ACOX2: variants seen among roughly 807,000 people sequenced by gnomAD.
ACOX2 encodes peroxisomal acyl-coenzyme A oxidase 2.
A neutral mutation model predicts 77.5 loss-of-function variants in ACOX2; 59 were observed. The ratio of observed to expected loss-of-function variants is 0.76; its 90% confidence interval spans 0.62 to 0.95. The LOEUF (loss-of-function observed/expected upper bound fraction) is 0.95, where lower values mean the gene tolerates loss of function less well. Among genes scored for constraint, ACOX2 ranks in the 40% least tolerant of loss-of-function variants. The pLI is 0.00. For missense variants in ACOX2, 837 were observed against 880.4 expected (o/e 0.95, Z 0.62); for synonymous variants, 317 against 340.1 (o/e 0.93, Z 0.75).
rs2063468126 is a variant in ACOX2, at chr3:58,534,689, T to G, written c.161-167A>C. The G allele has an allele frequency of 6.7e-7, 1 of 1,496,318 alleles. No homozygotes were observed. Among genetic ancestry groups the G allele is most frequent in the Admixed American group, 1.9e-5 (1 of 51,342 alleles). 92.7% of individuals were successfully genotyped at this position (1,496,318 alleles called of 1,614,324 possible). A position where few individuals can be genotyped will look rare whatever the true frequency, so the allele number is the denominator to read the frequency against. The stretch of plus-strand genomic sequence containing the variant: ...AGGTGGGAAAGTGAATTGCCCAAGG[T>G]TACAAAGCTATGCAGTGGCAGAATT... On this transcript the variant is annotated intron_variant, in intron 2 of 14. Coordinates refer to ENST00000302819, the MANE Select transcript of ACOX2 (RefSeq NM_003500.4). The surrounding 1 kb of genome is among the most constrained non-coding windows in gnomAD (Gnocchi z 4.8).
intron 13 of ACOX2, 148 bp downstream of exon 13, chr3:58,517,058 T>A: frequency 1.4e-6 from 1 of 731,532 alleles, no homozygotes. Context: ...TAATGCTTTA[T>A]GCTGGTGTAA....
chr3:58,534,829 C>T lies in ACOX2; in HGVS notation c.160+118G>A, dbSNP rs1050501419. On this transcript the variant is annotated intron_variant, in intron 2 of 14. Transcript: ENST00000302819. The surrounding 1 kb of genome is among the most constrained non-coding windows in gnomAD (Gnocchi z 4.8). ...ACAGTTCGAAGGAATGAATCTCTAA[C>T]AGTGGAATTTCAAGGGCAAAGTTTG... 2.0e-6 allele frequency: 3 copies of T among 1,495,754 alleles called. No homozygotes were observed. In the African/African-American group the frequency reaches 4.1e-5, roughly 21 times the overall value. 92.7% of individuals were successfully genotyped at this position (1,495,754 alleles called of 1,614,324 possible).
rs751999667 is a variant in ACOX2 at position 58,512,754 on chromosome 3, C to T, written c.1851-3729G>A. ...CAATGATGGACCATGTATATGATGG[C>T]GGTCCCATGACATTATGATAGAGCT... On this transcript the variant is annotated intron_variant, in intron 13 of 14. Coordinates refer to ENST00000302819, the MANE Select transcript of ACOX2 (RefSeq NM_003500.4). The surrounding 1 kb of genome is among the most constrained non-coding windows in gnomAD (Gnocchi z 4.8). Among the ~76,000 whole-genome samples, 22 of 152,176 alleles carry T rather than the reference C, an allele frequency of 1.4e-4. No individual in the cohort carries two copies. The highest frequency in any genetic ancestry group is 3.1e-4 in the African/African-American group (13 of 41,442).
intron 8 of ACOX2, among the ~76,000 whole-genome samples, chr3:58,529,935 A>G (rs1481250770): frequency 2.6e-5 from 4 of 152,174 alleles, no homozygotes; most frequent in African/African-American, 9.7e-5. Flanking sequence ...CAACACAACC[A>G]ATTACAACAA....
chr3:58,531,176 C>A lies in ACOX2; in HGVS notation c.819+75G>T. The A allele has an allele frequency of 1.4e-6, 2 of 1,393,648 alleles. No individual in the cohort carries two copies. The highest frequency in any genetic ancestry group is 1.3e-5 in the South Asian group (1 of 77,626). The allele number at this position is 1,393,648 out of a possible 1,614,324, so 86.3% of individuals were successfully genotyped here. ...GGCCCAAACTAAGCTCTATGGAGGA[C>A]CCAGGCCCAGCCTGCACAAAGCGCA... On this transcript the variant is annotated intron_variant, in intron 7 of 14. Transcript: ENST00000302819. The surrounding 1 kb of genome is among the most constrained non-coding windows in gnomAD (Gnocchi z 5.8).
chr3:58,529,264 TC>T (rs1383754764), intron 8 of ACOX2: 1 of 193,436 alleles, frequency 5.2e-6, no homozygotes, highest in Admixed American at 6.1e-5. Context: ...ACACGTCTGG[TC>T]CCAAGATTTC....
At chr3:58,529,115 C>T in intron 8 of ACOX2, 159 bp from the exon 9 acceptor site, 1 of 652,908 alleles carries the variant, frequency 1.5e-6, no homozygotes. Flanking sequence ...AAAATCCCAT[C>T]TAACATGAAC....
Position 58,535,059 on chromosome 3 carries a change from C to T in ACOX2, c.48G>A (p.Arg16=). The T allele has an allele frequency of 6.2e-7, 1 of 1,614,214 alleles. No homozygotes were observed. The change falls in exon 2 of 15, where the codon AGG becomes AGA. Residue 16 remains arginine, a synonymous_variant. Coordinates refer to ENST00000302819, the MANE Select transcript of ACOX2 (RefSeq NM_003500.4). The surrounding 1 kb of genome is among the most constrained non-coding windows in gnomAD (Gnocchi z 4.8). The part of the protein sequence containing the change: ...HRVSLGDTWS[R]QMHPDIESER... The stretch of plus-strand genomic sequence containing the variant: ...CGCTCTCTATGTCGGGGTGCATTTG[C>T]CTGCTCCAGGTATCCCCCAATGACA...
chr3:58,509,640 C>G (rs572025869), intron 13 of ACOX2, among the ~76,000 whole-genome samples: 128 of 125,264 alleles, frequency 1.0e-3, no homozygotes, highest in Non-Finnish European at 1.5e-3. Flanking sequence ...TACAGAGTCT[C>G]AGTTGCCCAG....
chr3:58,519,595 G>C lies in ACOX2; in HGVS notation c.1633-2172C>G, dbSNP rs2107996906. On this transcript the variant is annotated intron_variant, in intron 12 of 14. Transcript: ENST00000302819. This position sits in a 1 kb window ranked among gnomAD's most constrained non-coding sequence, Gnocchi z 5.0. ...AGGGTGGACTCATACCTGGGGCCCAGGTCAGTGAAGGGCTGTGAATAACAT... is the reference window on the plus strand; with the variant it reads ...AGGGTGGACTCATACCTGGGGCCCACGTCAGTGAAGGGCTGTGAATAACAT... Among the ~76,000 whole-genome samples the C allele has an allele frequency of 6.6e-6, 1 of 152,282 alleles. No homozygotes were observed. The highest frequency in any genetic ancestry group is 2.1e-4 in the South Asian group (1 of 4,826).
intron 8 of ACOX2, 157 bp from the exon 9 acceptor site, chr3:58,529,113 A>G (rs949951940): frequency 5.9e-6 from 4 of 672,348 alleles, no homozygotes; most frequent in Non-Finnish European, 9.2e-6. Context: ...TAAAAATCCC[A>G]TCTAACATGA....
rs1387819971 is a variant in ACOX2, at chr3:58,533,338, C to A, written c.583+107G>T. 6.6e-6 allele frequency: 7 copies of A among 1,055,186 alleles called. No individual in the cohort carries two copies. Among genetic ancestry groups the A allele is most frequent in the African/African-American group, 4.8e-5 (3 of 63,106 alleles). The allele number at this position is 1,055,186 out of a possible 1,614,324, so 65.4% of individuals were successfully genotyped here. A position where few individuals can be genotyped will look rare whatever the true frequency, so the allele number is the denominator to read the frequency against. ...CTTGCCCAAGGTCAGCAGCCTAGAA[C>A]AGAAAATCAATCTGAGGTCTGTTGG... On this transcript the variant is annotated intron_variant, in intron 5 of 14. Transcript: ENST00000302819. This position sits in a 1 kb window ranked among gnomAD's most constrained non-coding sequence, Gnocchi z 5.6.
chr3:58,527,311 G>A (rs2063402620), intron 9 of ACOX2, among the ~76,000 whole-genome samples: 1 of 152,086 alleles, frequency 6.6e-6, no homozygotes. Context: ...GCCAAGGCAG[G>A]TGGATCACGA....
Position 58,534,738 on chromosome 3 carries a change from T to C in ACOX2, c.160+209A>G. ...TTTTAGGACCAGAATCCAGGTCTTC[T>C]GCTGCCTAGGACTCTTCTATCCCCT... is the stretch of plus-strand genomic sequence containing the variant. On this transcript the variant is annotated intron_variant, in intron 2 of 14. Transcript: ENST00000302819. The surrounding 1 kb of genome is among the most constrained non-coding windows in gnomAD (Gnocchi z 4.8). 7.4e-6 allele frequency: 10 copies of C among 1,345,494 alleles called. No homozygotes were observed. The highest frequency in any genetic ancestry group is 1.0e-5 in the Non-Finnish European group (10 of 968,314). 83.3% of individuals were successfully genotyped at this position (1,345,494 alleles called of 1,614,324 possible). A position where few individuals can be genotyped will look rare whatever the true frequency, so the allele number is the denominator to read the frequency against.
chr3:58,536,984 G>C (rs2063486407), intron 1 of ACOX2, 135 bp downstream of exon 1: 1 of 152,338 alleles, frequency 6.6e-6, no homozygotes. Flanking sequence ...ACTTAGTGCA[G>C]GGCCTGATTT....
Position 58,524,652 on chromosome 3 carries a change from G to T in ACOX2, c.1347-47C>A. The T allele has an allele frequency of 6.3e-7, 1 of 1,581,806 alleles. No individual in the cohort carries two copies. Among genetic ancestry groups the T allele is most frequent in the Non-Finnish European group, 8.6e-7 (1 of 1,158,578 alleles). ...AGGTGAGAGGGCAGAGACTCTGTGA[G>T]ACAGCCCAGCACCCCTCACTCCCAG... On this transcript the variant is annotated intron_variant, in intron 10 of 14. Transcript: ENST00000302819. The surrounding 1 kb of genome is among the most constrained non-coding windows in gnomAD (Gnocchi z 5.5).
chr3:58,516,352 A>AGG (rs1393009377), intron 13 of ACOX2, among the ~76,000 whole-genome samples: 2 of 152,218 alleles, frequency 1.3e-5, no homozygotes, highest in Non-Finnish European at 2.9e-5. Context: ...GCTCATGCCC[A>AGG]GGGGCCAGAC....
chr3:58,532,951 G>A (rs1229935590), intron 5 of ACOX2, among the ~76,000 whole-genome samples: 6 of 152,172 alleles, frequency 3.9e-5, no homozygotes, highest in Non-Finnish European at 1.5e-5. Flanking sequence ...CACAGCAGGA[G>A]GTACGGCGTT....
At chr3:58,520,496 T>A (rs1020128652) in intron 12 of ACOX2, among the ~76,000 whole-genome samples, 2 of 152,242 alleles carry the variant, frequency 1.3e-5, no homozygotes, top group African/African-American at 4.8e-5. Context: ...ACAGGGAAGT[T>A]AAAGCCCAGA....
Sources: allele counts gnomAD v4.1 joint callset (sites outside exome capture counted in the v4.1 genomes callset), GRCh38; gene constraint gnomAD v4.1.1; non-coding constraint Gnocchi (gnomAD v3.1); transcripts MANE v1.5; gene names NCBI Gene and HGNC (gene_info 2026-07-23, HGNC 2026-07-21).